Variants in ASAP1 observed in about 807,000 individuals in gnomAD.
ASAP1 encodes the protein arf-GAP with SH3 domain, ANK repeat and PH domain-containing protein 1.
In ASAP1, 43 loss-of-function variants were observed where a neutral mutation model predicts 145.2. The ratio of observed to expected loss-of-function variants is 0.30; its 90% CI spans 0.23 to 0.38. The LOEUF is 0.38. ASAP1 is among the 10% of genes least tolerant of loss of function. ASAP1 has a pLI of 1.00. For missense variants in ASAP1, 1,018 were observed against 1,355.3 expected, an observed-to-expected ratio of 0.75 and a Z score of 3.91; for synonymous variants, 546 against 515.5, an observed-to-expected ratio of 1.06 and a Z score of -0.80.
At chr8:130,429,409 TGACAAAACCTATGA>T (rs1467075765) in intron 1 of ASAP1, among the ~76,000 whole-genome samples, 3 of 152,200 alleles carry the variant, frequency 2.0e-5, no homozygotes, top group Admixed American at 1.3e-4. Context: ...ATAGTTCTCT[TGACAAAACCTATGA>T]GGCAAAAGTC....
chr8:130,116,715 A>G lies in ASAP1; in HGVS notation c.2027T>C (p.Ile676Thr), dbSNP rs747941134. The change falls in exon 22 of 30, where the codon ATA (isoleucine) becomes ACA (threonine). Residue 676 changes from isoleucine (I) to threonine (T), a missense_variant. Ile to Thr is a moderately conservative substitution (Grantham distance 89, BLOSUM62 -1). Coordinates refer to ENST00000518721, the MANE Select transcript of ASAP1 (RefSeq NM_018482.4). ...CTGGGTAGCTTTTAGTCTCTTTGCT[A>G]TGTCTAGGGCAGTTTCTCCAGCCTG... ...VNQAGETALDIAKRLKATQCE... is the reference protein window; with the variant it reads ...VNQAGETALDTAKRLKATQCE... The G allele has an allele frequency of 6.2e-7, 1 of 1,614,118 alleles. No individual in the cohort carries two copies. The highest frequency in any genetic ancestry group is 1.1e-5 in the South Asian group (1 of 91,078).
chr8:130,312,821 A>C (rs765104743), intron 3 of ASAP1, among the ~76,000 whole-genome samples: 1 of 152,188 alleles, frequency 6.6e-6, no homozygotes, highest in Non-Finnish European at 1.5e-5. Flanking sequence ...TCTACCATTT[A>C]GTCATACCCT....
intron 2 of ASAP1, among the ~76,000 whole-genome samples, chr8:130,360,216 G>A (rs1459373472): frequency 2.6e-5 from 4 of 152,178 alleles, no homozygotes; most frequent in African/African-American, 7.2e-5. Flanking sequence ...TGAAGGAGTC[G>A]CTATAGTATA....
At chr8:130,413,392 G>A (rs1269022802) in intron 1 of ASAP1, among the ~76,000 whole-genome samples, 1 of 152,156 alleles carries the variant, frequency 6.6e-6, no homozygotes, top group Non-Finnish European at 1.5e-5. Flanking sequence ...TCCATTTTAT[G>A]ATGACCACAT....
chr8:130,423,052 A>G (rs1423354778), intron 1 of ASAP1, among the ~76,000 whole-genome samples: 2 of 152,172 alleles, frequency 1.3e-5, no homozygotes, highest in Non-Finnish European at 2.9e-5. Context: ...CAAGTAATAG[A>G]ACTAAATTGC....
At chr8:130,404,292 T>C (rs1049307457) in intron 1 of ASAP1, among the ~76,000 whole-genome samples, 11 of 152,204 alleles carry the variant, frequency 7.2e-5, no homozygotes, top group Non-Finnish European at 1.2e-4. Flanking sequence ...TTAAATTAGA[T>C]GGGGAACTGA....
At chr8:130,408,019 T>C (rs1829109784) in intron 1 of ASAP1, among the ~76,000 whole-genome samples, 1 of 152,200 alleles carries the variant, frequency 6.6e-6, no homozygotes, top group South Asian at 2.1e-4. Flanking sequence ...AGACCAAATA[T>C]ATTTTTGTGA....
At position 130,361,609 on chromosome 8, in the gene ASAP1, A is replaced by T. The variant is rs540107519; in HGVS notation, c.60-3466T>A. 6.6e-6 allele frequency: 8 copies of T among 1,212,456 alleles called. No individual in the cohort carries two copies. The South Asian group carries it at 1.0e-4, about 16-fold the overall frequency. 75.1% of individuals were successfully genotyped at this position (1,212,456 alleles called of 1,614,324 possible). A position where few individuals can be genotyped will look rare whatever the true frequency, so the allele number is the denominator to read the frequency against. On this transcript the variant is annotated intron_variant, in intron 2 of 29. Coordinates refer to ENST00000518721, the MANE Select transcript of ASAP1 (RefSeq NM_018482.4). Reference sequence around the variant, plus strand: ...CACAATGAGATATTGTGCTTTGGTAAGTATATACCTCCTCAGACTGGTCTG... The same window carrying T: ...CACAATGAGATATTGTGCTTTGGTATGTATATACCTCCTCAGACTGGTCTG...
chr8:130,397,644 G>C (rs544703851), intron 2 of ASAP1, among the ~76,000 whole-genome samples: 1 of 152,198 alleles, frequency 6.6e-6, no homozygotes, highest in Non-Finnish European at 1.5e-5. Flanking sequence ...AGCAAAGGAT[G>C]GGGGGAACTG....
chr8:130,221,251 G>A (rs886436674), intron 4 of ASAP1, among the ~76,000 whole-genome samples: 12 of 151,360 alleles, frequency 7.9e-5, no homozygotes, highest in African/African-American at 2.9e-4. Context: ...GAGGAAGAAA[G>A]GAAAGAAAAG....
intron 3 of ASAP1, among the ~76,000 whole-genome samples, chr8:130,301,060 T>G (rs1822630270): frequency 6.6e-6 from 1 of 152,130 alleles, no homozygotes; most frequent in South Asian, 2.1e-4. Context: ...ATGATGCATT[T>G]AAGGAGATGA....
At chr8:130,203,709 G>A (rs1816018052) in intron 5 of ASAP1, among the ~76,000 whole-genome samples, 2 of 152,212 alleles carry the variant, frequency 1.3e-5, no homozygotes, top group Admixed American at 1.3e-4. Flanking sequence ...TGAATGTGGG[G>A]CAGAGTTTGA....
At chr8:130,064,087 G>A (rs976813119) in intron 27 of ASAP1, among the ~76,000 whole-genome samples, 4 of 152,146 alleles carry the variant, frequency 2.6e-5, no homozygotes, top group Admixed American at 2.0e-4. Flanking sequence ...ATATCTGGTG[G>A]GGGTTGCGAG....
At chr8:130,433,552 C>T (rs1199135705) in intron 1 of ASAP1, among the ~76,000 whole-genome samples, 1 of 152,204 alleles carries the variant, frequency 6.6e-6, no homozygotes, top group Non-Finnish European at 1.5e-5. Flanking sequence ...ATATCTTTCT[C>T]TTCTATTCAA....
chr8:130,095,983 G>T (rs1475624630), intron 24 of ASAP1, among the ~76,000 whole-genome samples: 1 of 152,194 alleles, frequency 6.6e-6, no homozygotes, highest in Non-Finnish European at 1.5e-5. Context: ...AACAAGTGGG[G>T]AGAATTAGCA....
In ASAP1 at chr8:130,271,863, T is replaced by G. The variant is rs552897689; in HGVS notation, c.187-34869A>C. Among the ~76,000 whole-genome samples, 7 of 152,306 alleles carry G rather than the reference T, an allele frequency of 4.6e-5. 1 individual carries two copies. The highest frequency in any genetic ancestry group is 1.7e-4 in the African/African-American group (7 of 41,564). On this transcript the variant is annotated intron_variant, in intron 3 of 29. Transcript: ENST00000518721. ...ATGAAGATTGTGTGCCACTCTGAGC[T>G]TTCCTCCCATTTTGTTATTTTTATA...
At chr8:130,312,403 G>C (rs1001541835) in intron 3 of ASAP1, among the ~76,000 whole-genome samples, 1 of 151,756 alleles carries the variant, frequency 6.6e-6, no homozygotes, top group African/African-American at 2.4e-5. Flanking sequence ...AACCAGACGA[G>C]AGCTAAATCT....
At chr8:130,252,475 G>A (rs927134890) in intron 3 of ASAP1, among the ~76,000 whole-genome samples, 2 of 151,984 alleles carry the variant, frequency 1.3e-5, no homozygotes, top group African/African-American at 4.8e-5. Context: ...TTTTTCCTGA[G>A]CAATTTCAAA....
intron 13 of ASAP1, among the ~76,000 whole-genome samples, chr8:130,138,378 A>G (rs1483823342): frequency 6.6e-6 from 1 of 152,180 alleles, no homozygotes; most frequent in Non-Finnish European, 1.5e-5. Flanking sequence ...AGGGGATTCC[A>G]TGTTCAATGC....
Sources: gnomAD v4.1 joint callset for allele counts (sites outside exome capture counted in the v4.1 genomes callset) on GRCh38, gnomAD v4.1.1 for gene constraint, MANE v1.5 for transcripts, NCBI Gene and HGNC (gene_info 2026-07-23, HGNC 2026-07-21) for gene names.